The following CDH10 variants were observed in gnomAD, a reference collection of about 807,000 sequenced individuals.
CDH10 encodes cadherin 10, also known as cadherin-10.
CDH10 carries 30 observed loss-of-function variants against 73.1 expected under a neutral mutation model. That is an observed-to-expected ratio of 0.41 (90% CI 0.31 to 0.56). The LOEUF (loss-of-function observed/expected upper bound fraction) is 0.56, where lower values mean the gene tolerates loss of function less well. Ranked by LOEUF, CDH10 falls within the 20% of genes least tolerant of loss-of-function variation. The pLI is 0.27. For synonymous variants in CDH10, 345 were observed against 348.2 expected, an observed-to-expected ratio of 0.99 and a Z score of 0.10; for missense variants, 815 against 973.7, an observed-to-expected ratio of 0.84 and a Z score of 2.17.
At chr5:24,571,973 TA>T (rs200001581) in intron 2 of CDH10, among the ~76,000 whole-genome samples, 4,475 of 143,046 alleles carry the variant, frequency 0.031, 156 homozygotes, top group East Asian at 0.089. Flanking sequence ...CTGCTACAAA[TA>T]AAAAAAAAAA....
intron 1 of CDH10, among the ~76,000 whole-genome samples, chr5:24,620,976 G>A (rs1747297425): frequency 6.6e-6 from 1 of 152,156 alleles, no homozygotes; most frequent in African/African-American, 2.4e-5. Context: ...TAATATACAA[G>A]ACACTTGGAC....
intron 2 of CDH10, among the ~76,000 whole-genome samples, chr5:24,583,263 G>A (rs1745868933): frequency 6.7e-6 from 1 of 148,254 alleles, no homozygotes; most frequent in African/African-American, 2.5e-5. Flanking sequence ...ACACTGCCAT[G>A]TTTCCAAAAA....
At chr5:24,516,497 C>A (rs766989373) in intron 5 of CDH10, among the ~76,000 whole-genome samples, 3 of 152,008 alleles carry the variant, frequency 2.0e-5, no homozygotes, top group Admixed American at 2.0e-4. Flanking sequence ...TTCAGTTCCA[C>A]ATTTATTATT....
chr5:24,555,480 G>A lies in CDH10; in HGVS notation c.232-17806C>T, dbSNP rs528833665. Among the ~76,000 whole-genome samples the A allele has an allele frequency of 5.9e-5, 9 of 152,168 alleles. No individual in the cohort carries two copies. In the South Asian group the frequency reaches 1.9e-3, roughly 32 times the overall value. ...AGATGTAGACATTAATTACTCTGTC[G>A]GCAGAGCAGGCAGCATAAGTTTCAT... On this transcript the variant is annotated intron_variant, in intron 2 of 11. Transcript: ENST00000264463.
chr5:24,551,033 C>T (rs1744521655), intron 2 of CDH10, among the ~76,000 whole-genome samples: 1 of 152,138 alleles, frequency 6.6e-6, no homozygotes, highest in African/African-American at 2.4e-5. Context: ...AATGGCTTCC[C>T]ATCACATTAC....
intron 2 of CDH10, among the ~76,000 whole-genome samples, chr5:24,551,626 G>A (rs943186043): frequency 3.3e-5 from 5 of 151,874 alleles, no homozygotes; most frequent in Non-Finnish European, 7.4e-5. Context: ...CTTTCACCAC[G>A]GAGATTTGCG....
At position 24,509,682 on chromosome 5, in the gene CDH10, T is replaced by C. The variant is rs772522755; in HGVS notation, c.1140A>G (p.Glu380=). ...IVKISIEDVD[E]PPVFSRSSYL... Reference sequence around the variant, plus strand: ...AGGAGGACCTACTAAAAACAGGAGGTTCATCCACATCTTCTATAGAGATTT... The same window carrying C: ...AGGAGGACCTACTAAAAACAGGAGGCTCATCCACATCTTCTATAGAGATTT... The change falls in exon 7 of 12, where the codon GAA becomes GAG. Residue 380 remains glutamate, a synonymous_variant. Coordinates refer to ENST00000264463, the MANE Select transcript of CDH10 (RefSeq NM_006727.5). 1.2e-6 allele frequency: 2 copies of C among 1,613,634 alleles called. No homozygotes were observed. Among genetic ancestry groups the C allele is most frequent in the Non-Finnish European group, 1.7e-6 (2 of 1,179,552 alleles).
In CDH10 at chr5:24,509,803, C is replaced by G. The variant is rs868513733; in HGVS notation, c.1019G>C (p.Ser340Thr). ...GACTTTCAGAGTATAAAGTCTTCGG[C>G]TCTCATAGTCGAGTGGCTGTATAAA... Reference protein sequence around the residue: ...ITVKKPLDYESRRLYTLKVEA... With the variant: ...ITVKKPLDYETRRLYTLKVEA... The change falls in exon 7 of 12, where the codon AGC (serine) becomes ACC (threonine). Residue 340 changes from serine to threonine, a missense_variant. By Grantham distance (58) the Ser-to-Thr change is moderately conservative (BLOSUM62 1). Transcript: ENST00000264463. The G allele has an allele frequency of 6.2e-7, 1 of 1,608,208 alleles. No individual in the cohort carries two copies. The highest frequency in any genetic ancestry group is 1.7e-5 in the Admixed American group (1 of 58,890).
At chr5:24,509,152 T>C (rs1389917965) in intron 7 of CDH10, among the ~76,000 whole-genome samples, 1 of 152,004 alleles carries the variant, frequency 6.6e-6, no homozygotes, top group Non-Finnish European at 1.5e-5. Context: ...GCATTAAATG[T>C]TTTAAATAGA....
At chr5:24,524,961 A>T (rs542449437) in intron 5 of CDH10, among the ~76,000 whole-genome samples, 1 of 152,156 alleles carries the variant, frequency 6.6e-6, no homozygotes, top group East Asian at 1.9e-4. Context: ...TTCTACCAAA[A>T]TTTGATCAAT....
At chr5:24,511,569 GAGAGAGAGAGAGAGA>G in intron 5 of CDH10, 55 bp from the exon 6 acceptor site, 1 of 801,570 alleles carries the variant, frequency 1.2e-6, no homozygotes, top group Non-Finnish European at 2.0e-6. Context: ...GAGAGAGAGA[GAGAGAGAGAGAGAGA>G]GAGAGAGATT....
intron 2 of CDH10, among the ~76,000 whole-genome samples, chr5:24,583,607 T>G (rs1745878121): frequency 6.6e-6 from 1 of 152,202 alleles, no homozygotes; most frequent in Non-Finnish European, 1.5e-5. Flanking sequence ...ACTGTTTTGA[T>G]GTGGTAATAT....
At chr5:24,567,820 G>T (rs1317543786) in intron 2 of CDH10, among the ~76,000 whole-genome samples, 2 of 151,972 alleles carry the variant, frequency 1.3e-5, no homozygotes, top group African/African-American at 4.8e-5. Flanking sequence ...TTCTCATAAG[G>T]ACATTTAGAG....
intron 1 of CDH10, among the ~76,000 whole-genome samples, chr5:24,631,917 T>C (rs1371749348): frequency 1.3e-5 from 2 of 152,054 alleles, no homozygotes; most frequent in Admixed American, 1.3e-4. Context: ...ACAGATAGAA[T>C]TAAAATCATT....
At chr5:24,512,066 A>G (rs113429719) in intron 5 of CDH10, among the ~76,000 whole-genome samples, 1 of 152,158 alleles carries the variant, frequency 6.6e-6, no homozygotes, top group African/African-American at 2.4e-5. Flanking sequence ...TATGAAATAT[A>G]TATCTGTACA....
chr5:24,507,636 T>A (rs1005621204), intron 7 of CDH10, among the ~76,000 whole-genome samples: 1 of 152,022 alleles, frequency 6.6e-6, no homozygotes, highest in Non-Finnish European at 1.5e-5. Context: ...TTTTGTAAAG[T>A]CTATTTTAAA....
intron 1 of CDH10, among the ~76,000 whole-genome samples, chr5:24,641,603 T>A (rs1019068784): frequency 4.6e-5 from 7 of 152,128 alleles, no homozygotes; most frequent in Admixed American, 3.9e-4. Flanking sequence ...TTTCAGTTTT[T>A]CAAATATGCA....
At chr5:24,519,364 G>A (rs1743228398) in intron 5 of CDH10, among the ~76,000 whole-genome samples, 1 of 150,322 alleles carries the variant, frequency 6.7e-6, no homozygotes, top group African/African-American at 2.4e-5. Context: ...ATTTAAAAAG[G>A]TTGATAAATC....
intron 7 of CDH10, among the ~76,000 whole-genome samples, chr5:24,507,558 G>T (rs11949967): frequency 0.4 from 60,334 of 151,732 alleles, 12,857 homozygotes; most frequent in Admixed American, 0.52. Context: ...ATTGTGTGGA[G>T]AAATATCTTG....
Sources: allele counts gnomAD v4.1 joint callset (sites outside exome capture counted in the v4.1 genomes callset), GRCh38; gene constraint gnomAD v4.1.1; transcripts MANE v1.5; gene names NCBI Gene and HGNC (gene_info 2026-07-23, HGNC 2026-07-21).